POU2F1: variants seen among roughly 807,000 people sequenced by gnomAD.
POU2F1 encodes the protein POU class 2 homeobox 1.
Under a neutral mutation model 84.9 loss-of-function variants are expected in POU2F1, and 16 were observed. That is an observed-to-expected ratio of 0.19 (90% CI 0.13 to 0.29). The LOEUF is 0.29. POU2F1 is among the 10% of genes least tolerant of loss of function. POU2F1 has a pLI of 1.00. For missense variants in POU2F1, 738 were observed against 942.6 expected, an observed-to-expected ratio of 0.78 and a Z score of 2.84; for synonymous variants, 368 against 368.3, an observed-to-expected ratio of 1.00 and a Z score of 0.01.
chr1:167,295,803 T>A (rs1654253446), intron 1 of POU2F1, among the ~76,000 whole-genome samples: 1 of 152,216 alleles, frequency 6.6e-6, no homozygotes, highest in East Asian at 1.9e-4. Flanking sequence ...GAAGGCCTTC[T>A]TCTATACCAG....
At chr1:167,284,677 A>G in intron 1 of POU2F1, among the ~76,000 whole-genome samples, 1 of 152,198 alleles carries the variant, frequency 6.6e-6, no homozygotes. Context: ...TTATGTCAAT[A>G]TTAGATTATA....
intron 1 of POU2F1, among the ~76,000 whole-genome samples, chr1:167,315,476 TAACA>T (rs983511657): frequency 1.3e-5 from 2 of 152,112 alleles, no homozygotes; most frequent in Non-Finnish European, 2.9e-5. Context: ...AGTAAATGCC[TAACA>T]AACAGTGGGA....
chr1:167,317,913 C>T (rs986508491), intron 1 of POU2F1, among the ~76,000 whole-genome samples: 2 of 152,206 alleles, frequency 1.3e-5, no homozygotes, highest in African/African-American at 4.8e-5. Context: ...AGCTACTTCT[C>T]GCAGGAGTCG....
Position 167,396,415 on chromosome 1 carries a change from C to G in POU2F1, c.1117C>G (p.Leu373Val). The stretch of plus-strand genomic sequence containing the variant: ...GTTGAAGCCACTTTTAGAGAAGTGG[C>G]TAAATGATGCAGGTAAGTGACTGTA... ...CKLKPLLEKW[L>V]NDAENLSSDS... Residue 373 changes from leucine to valine, a missense_variant, in exon 10 of 16, where the codon CTA becomes GTA. Transcript: ENST00000367866. 1 of 1,613,820 alleles carries G rather than the reference C, an allele frequency of 6.2e-7. No homozygotes were observed. The highest frequency in any genetic ancestry group is 1.1e-5 in the South Asian group (1 of 91,072).
chr1:167,243,119 T>G (rs1457330281), intron 1 of POU2F1, among the ~76,000 whole-genome samples: 1 of 152,250 alleles, frequency 6.6e-6, no homozygotes, highest in Non-Finnish European at 1.5e-5. Flanking sequence ...TATCTCTGTT[T>G]TATATTTTTA....
At chr1:167,297,285 C>A (rs1378002827) in intron 1 of POU2F1, among the ~76,000 whole-genome samples, 2 of 152,134 alleles carry the variant, frequency 1.3e-5, no homozygotes, top group East Asian at 3.8e-4. Context: ...TGGTAGTTTG[C>A]TTTCAGCTTC....
Position 167,371,934 on chromosome 1 carries a change from A to T in POU2F1, c.300A>T (p.Glu100Asp), listed in dbSNP as rs144501162. 1 of 1,614,206 alleles carries T rather than the reference A, an allele frequency of 6.2e-7. No homozygotes were observed. The highest frequency in any genetic ancestry group is 8.5e-7 in the Non-Finnish European group (1 of 1,180,016). ...SLNVQSKSNEESGDSQQPSQP... is the reference protein window; with the variant it reads ...SLNVQSKSNEDSGDSQQPSQP... Reference sequence around the variant, plus strand: ...CACCTCAGTCTAAATCTAATGAAGAATCGGGGGATTCGCAGCAGCCAAGCC... The same window carrying T: ...CACCTCAGTCTAAATCTAATGAAGATTCGGGGGATTCGCAGCAGCCAAGCC... The change falls in exon 5 of 16, where the codon GAA becomes GAT. Residue 100 changes from glutamate (E) to aspartate (D), a missense_variant. Coordinates refer to ENST00000367866, the MANE Select transcript of POU2F1 (RefSeq NM_002697.4).
chr1:167,340,431 C>CTTTTTTT (rs761386225), intron 2 of POU2F1, among the ~76,000 whole-genome samples: 6 of 122,324 alleles, frequency 4.9e-5, no homozygotes, highest in Admixed American at 8.3e-5. Context: ...TTCTTTTTTT[C>CTTTTTTT]TTTTTTTTTT....
At chr1:167,392,222 G>T (rs1339303511) in intron 9 of POU2F1, among the ~76,000 whole-genome samples, 1 of 151,926 alleles carries the variant, frequency 6.6e-6, no homozygotes, top group South Asian at 2.1e-4. Flanking sequence ...GTGCTGGCGG[G>T]CGCCTGTAAT....
intron 1 of POU2F1, among the ~76,000 whole-genome samples, chr1:167,241,216 C>T (rs1430429033): frequency 6.6e-6 from 1 of 152,148 alleles, no homozygotes; most frequent in Non-Finnish European, 1.5e-5. Context: ...TCCTATTTTA[C>T]ACATCTCCCT....
rs569971091 is a variant in POU2F1, at chr1:167,289,588, C to G, written c.62-42882C>G. On this transcript the variant is annotated intron_variant, in intron 1 of 15. Coordinates refer to ENST00000367866, the MANE Select transcript of POU2F1 (RefSeq NM_002697.4). ...GAGTTTGGTGTACATTTACATGGTG[C>G]TGTAAGTGCTGAGAGGGTATATTAA... is the stretch of plus-strand genomic sequence containing the variant. Among the ~76,000 whole-genome samples, 200 of 152,284 alleles carry G rather than the reference C, an allele frequency of 1.3e-3. 1 individual carries two copies. The highest frequency in any genetic ancestry group is 4.5e-3 in the African/African-American group (188 of 41,552).
Position 167,271,775 on chromosome 1 carries a change from C to T in POU2F1, c.61+50817C>T, listed in dbSNP as rs142699148. Reference sequence around the variant, plus strand: ...ATTTATAAATTTTTATTTCCACAAACATTGGAAATAATGTAGGAATAGGCA... The same window carrying T: ...ATTTATAAATTTTTATTTCCACAAATATTGGAAATAATGTAGGAATAGGCA... On this transcript the variant is annotated intron_variant, in intron 1 of 15. Transcript: ENST00000367866. 3.9e-3 allele frequency among the ~76,000 whole-genome samples: 592 copies of T among 152,176 alleles called. 3 individuals carry two copies. Among genetic ancestry groups the T allele is most frequent in the African/African-American group, 0.013 (545 of 41,508 alleles).
At chr1:167,338,752 C>T (rs1212404731) in intron 2 of POU2F1, among the ~76,000 whole-genome samples, 1 of 152,118 alleles carries the variant, frequency 6.6e-6, no homozygotes, top group Non-Finnish European at 1.5e-5. Context: ...TGTATCAGAA[C>T]TTTATTTTTT....
chr1:167,350,797 G>A (rs1045533998), intron 2 of POU2F1, among the ~76,000 whole-genome samples: 2 of 151,424 alleles, frequency 1.3e-5, no homozygotes, highest in Non-Finnish European at 2.9e-5. Context: ...TCGGGAGTTC[G>A]AGACCAGCCT....
chr1:167,404,677 T>C (rs1649445448), intron 13 of POU2F1, among the ~76,000 whole-genome samples: 1 of 152,112 alleles, frequency 6.6e-6, no homozygotes, highest in African/African-American at 2.4e-5. Flanking sequence ...ATCACCCTGT[T>C]CTCTGACCCT....
intron 1 of POU2F1, among the ~76,000 whole-genome samples, chr1:167,297,919 A>G (rs1654399526): frequency 6.6e-6 from 1 of 152,166 alleles, no homozygotes; most frequent in Non-Finnish European, 1.5e-5. Flanking sequence ...CAGGAGTTCA[A>G]GACCAGCCTT....
chr1:167,233,417 T>A (rs1649215400), intron 1 of POU2F1, among the ~76,000 whole-genome samples: 2 of 152,010 alleles, frequency 1.3e-5, no homozygotes, highest in Non-Finnish European at 2.9e-5. Context: ...GGATTACAGA[T>A]GTGAGCTCCT....
chr1:167,364,712 C>A (rs1426939497), intron 2 of POU2F1, among the ~76,000 whole-genome samples: 1 of 150,794 alleles, frequency 6.6e-6, no homozygotes, highest in Non-Finnish European at 1.5e-5. Flanking sequence ...GTAGCTGGGA[C>A]TTCAGGCGCA....
rs535605639 is a variant in POU2F1 at position 167,406,267 on chromosome 1, A to G, written c.1555+4711A>G. On this transcript the variant is annotated intron_variant, in intron 13 of 15. Transcript: ENST00000367866. ...ATGTAACACATTATAATAGTAGAAG[A>G]AAGGACAAAAACCACATAATCATCT... Among the ~76,000 whole-genome samples the G allele has an allele frequency of 6.7e-4, 102 of 152,340 alleles. 1 individual carries two copies. Among genetic ancestry groups the G allele is most frequent in the African/African-American group, 2.4e-3 (99 of 41,584 alleles).
Sources: gnomAD v4.1 joint callset for allele counts (sites outside exome capture counted in the v4.1 genomes callset) on GRCh38, gnomAD v4.1.1 for gene constraint, MANE v1.5 for transcripts, NCBI Gene and HGNC (gene_info 2026-07-23, HGNC 2026-07-21) for gene names.